The following MTUS1 variants were observed in gnomAD, a reference collection of about 807,000 sequenced individuals.
MTUS1 encodes microtubule-associated tumor suppressor 1.
In MTUS1, 109 loss-of-function variants were observed where a neutral mutation model predicts 120.8. The ratio of observed to expected loss-of-function variants is 0.90; its 90% CI spans 0.77 to 1.06. The LOEUF (loss-of-function observed/expected upper bound fraction) is 1.06. Among genes scored for constraint, MTUS1 ranks in the 50% least tolerant of loss-of-function variants. The probability of loss-of-function intolerance (pLI) is 0.00; values close to 1 mark genes in which losing one functional copy is unlikely to be tolerated. For synonymous variants in MTUS1, 737 were observed against 550.5 expected, an observed-to-expected ratio of 1.34 and a Z score of -4.74; for missense variants, 2,210 against 1,486.3, an observed-to-expected ratio of 1.49 and a Z score of -8.01.
At chr8:17,794,203 C>A (rs1162046162) in intron 1 of MTUS1, among the ~76,000 whole-genome samples, 1 of 152,070 alleles carries the variant, frequency 6.6e-6, no homozygotes, top group African/African-American at 2.4e-5. Context: ...TGGTGCATGC[C>A]TGTAATCCCA....
Position 17,754,612 on chromosome 8 carries a change from C to T in MTUS1, c.1196G>A (p.Ser399Asn), listed in dbSNP as rs988696797. Reference protein sequence around the residue: ...QNHTSELILSSPPGQKVGSSF... With the variant: ...QNHTSELILSNPPGQKVGSSF... ...CGAGCCCACCTTTTGTCCTGGCGGG[C>T]TACTTAGAATCAATTCTGAGGTATG... is the stretch of plus-strand genomic sequence containing the variant. The change falls in exon 2 of 15, where the codon AGC (serine) becomes AAC (asparagine). Residue 399 changes from serine (S) to asparagine (N), a missense_variant. Ser to Asn is a conservative substitution (Grantham distance 46). Coordinates refer to ENST00000693296, the MANE Select transcript of MTUS1 (RefSeq NM_001363059.2). 13 of 1,614,084 alleles carry T rather than the reference C, an allele frequency of 8.1e-6. No individual in the cohort carries two copies. Among genetic ancestry groups the T allele is most frequent in the Non-Finnish European group, 9.3e-6 (11 of 1,180,034 alleles).
Position 17,649,895 on chromosome 8 carries a change from T to C in MTUS1, c.3452A>G (p.Asn1151Ser). Residue 1151 changes from asparagine to serine, a missense_variant, in exon 13 of 15, where the codon AAT becomes AGT. By Grantham distance (46) the Asn-to-Ser change is conservative (BLOSUM62 1). Transcript: ENST00000693296. Reference sequence around the variant, plus strand: ...GATGTCCTGTTGATGCAGTTTCTCATTCTTGATCTCTAACACAGCTTTCAG... The same window carrying C: ...GATGTCCTGTTGATGCAGTTTCTCACTCTTGATCTCTAACACAGCTTTCAG... ...ESLKAVLEIK[N>S]EKLHQQDIKL... 2 of 1,611,944 alleles carry C rather than the reference T, an allele frequency of 1.2e-6. No homozygotes were observed. Among genetic ancestry groups the C allele is most frequent in the Non-Finnish European group, 1.7e-6 (2 of 1,178,200 alleles).
At position 17,663,763 on chromosome 8, in the gene MTUS1, T is replaced by G. The variant is rs113969326; in HGVS notation, c.2906-7698A>C. On this transcript the variant is annotated intron_variant, in intron 8 of 14. Transcript: ENST00000693296. The stretch of plus-strand genomic sequence containing the variant: ...GGCATGCACCACCATACCCGGCTAA[T>G]TTTTGTATTTTTAGTGGAGACAGGG... Among the ~76,000 whole-genome samples the G allele has an allele frequency of 2.2e-3, 337 of 152,134 alleles. 1 individual carries two copies. The highest frequency in any genetic ancestry group is 7.6e-3 in the African/African-American group (315 of 41,508).
intron 6 of MTUS1, 125 bp downstream of exon 6, chr8:17,713,089 G>C (rs1821651709): frequency 1.3e-6 from 1 of 783,896 alleles, no homozygotes; most frequent in Non-Finnish European, 2.2e-6. Context: ...TAAAAAGTTA[G>C]GTTTACACCT....
chr8:17,750,210 C>A (rs544282192), intron 2 of MTUS1, among the ~76,000 whole-genome samples: 1 of 152,276 alleles, frequency 6.6e-6, no homozygotes, highest in South Asian at 2.1e-4. Context: ...GCCAATCACC[C>A]ATGAGAACAG....
intron 2 of MTUS1, among the ~76,000 whole-genome samples, chr8:17,750,437 A>G (rs2048101078): frequency 6.6e-6 from 1 of 152,216 alleles, no homozygotes; most frequent in Admixed American, 6.5e-5. Flanking sequence ...CTGCTCATCA[A>G]TTTACAAAAG....
chr8:17,740,966 A>C (rs568715293), intron 3 of MTUS1, among the ~76,000 whole-genome samples: 1 of 152,106 alleles, frequency 6.6e-6, no homozygotes, highest in Non-Finnish European at 1.5e-5. Flanking sequence ...CCTGGGATCA[A>C]GGAATTCTCC....
chr8:17,664,215 G>A (rs934579937), intron 8 of MTUS1: 6 of 152,078 alleles, frequency 3.9e-5, no homozygotes, highest in African/African-American at 1.4e-4. Context: ...TTTCCCTTCC[G>A]CTACTATTGT....
rs539240148 is a variant in MTUS1, at chr8:17,707,123, C to T, written c.2623+6091G>A. 7.2e-5 allele frequency among the ~76,000 whole-genome samples: 11 copies of T among 152,228 alleles called. No homozygotes were observed. In the East Asian group the frequency reaches 2.1e-3, roughly 29 times the overall value. Reference sequence around the variant, plus strand: ...TGTTTATGTGTGGAGGCAATGTCTTCTGTATCAGCTAAAATATGACTCATT... The same window carrying T: ...TGTTTATGTGTGGAGGCAATGTCTTTTGTATCAGCTAAAATATGACTCATT... On this transcript the variant is annotated intron_variant, in intron 6 of 14. Transcript: ENST00000693296.
intron 8 of MTUS1, among the ~76,000 whole-genome samples, chr8:17,662,889 G>C (rs1810071844): frequency 1.3e-5 from 2 of 151,788 alleles, no homozygotes; most frequent in South Asian, 4.2e-4. Flanking sequence ...GGGAGGGAAG[G>C]GGAGGAAGGA....
intron 3 of MTUS1, among the ~76,000 whole-genome samples, chr8:17,742,283 TTGTTG>T (rs796303844): frequency 4.0e-5 from 3 of 74,896 alleles, no homozygotes; most frequent in African/African-American, 2.1e-4. Context: ...TTTTTTTTTG[TTGTTG>T]TTGTTTTTTT....
chr8:17,792,344 A>G (rs184888262), intron 1 of MTUS1, among the ~76,000 whole-genome samples: 2 of 152,240 alleles, frequency 1.3e-5, no homozygotes, highest in African/African-American at 4.8e-5. Flanking sequence ...ATTTGATTAT[A>G]TATCTACAAG....
At chr8:17,706,284 A>C (rs1477559794) in intron 6 of MTUS1, 1 of 152,192 alleles carries the variant, frequency 6.6e-6, no homozygotes. Context: ...TTTCCCCAAT[A>C]TTCCCATGTC....
At chr8:17,796,299 G>C (rs1347441202) in intron 1 of MTUS1, among the ~76,000 whole-genome samples, 2 of 152,308 alleles carry the variant, frequency 1.3e-5, no homozygotes, top group Non-Finnish European at 2.9e-5. Flanking sequence ...TTTAAATGCA[G>C]TTTATCTTTG....
intron 7 of MTUS1, among the ~76,000 whole-genome samples, chr8:17,680,941 C>CT (rs148648178): frequency 0.057 from 8,524 of 149,194 alleles, 449 homozygotes; most frequent in East Asian, 0.24. Flanking sequence ...TGCTTTTTTT[C>CT]TTTTTTTTTT....
intron 1 of MTUS1, among the ~76,000 whole-genome samples, chr8:17,790,166 G>A (rs2051651628): frequency 6.6e-6 from 1 of 151,960 alleles, no homozygotes; most frequent in African/African-American, 2.4e-5. Context: ...GGCTAACATG[G>A]TGAAGCCCCA....
chr8:17,655,063 C>A (rs1307511376), intron 9 of MTUS1: 2 of 186,258 alleles, frequency 1.1e-5, no homozygotes, highest in Non-Finnish European at 2.3e-5. Context: ...CTGCATCAGT[C>A]ACAAGGAATG....
intron 8 of MTUS1, 30 bp downstream of exon 8, chr8:17,675,151 CATAAA>C (rs1563179879): frequency 1.2e-6 from 2 of 1,612,064 alleles, no homozygotes; most frequent in Non-Finnish European, 1.7e-6. Flanking sequence ...CCCCTTGTCC[CATAAA>C]ATTTAACAAC....
intron 6 of MTUS1, among the ~76,000 whole-genome samples, chr8:17,692,716 G>C (rs1817196853): frequency 3.9e-5 from 6 of 152,014 alleles, no homozygotes; most frequent in Admixed American, 3.3e-4. Flanking sequence ...ACAATAACTT[G>C]GGTGCTGGGC....
Sources: gnomAD v4.1 joint callset for allele counts (sites outside exome capture counted in the v4.1 genomes callset) on GRCh38, gnomAD v4.1.1 for gene constraint, MANE v1.5 for transcripts, NCBI Gene and HGNC (gene_info 2026-07-23, HGNC 2026-07-21) for gene names.